Variants in CRB2 observed in about 807,000 individuals in gnomAD.
CRB2 encodes protein crumbs homolog 2.
A neutral mutation model predicts 110.9 loss-of-function variants in CRB2; 85 were observed. The observed-to-expected ratio is 0.77, with a 90% confidence interval of 0.64 to 0.92. CRB2 has a LOEUF of 0.92. Among genes scored for constraint, CRB2 ranks in the 40% least tolerant of loss-of-function variants. The probability of loss-of-function intolerance (pLI) is 0.00; values close to 1 mark genes in which losing one functional copy is unlikely to be tolerated. For missense variants in CRB2, 1,843 were observed against 1,851.3 expected (o/e 1.00, Z 0.08); for synonymous variants, 907 against 831.0 (o/e 1.09, Z -1.57).
intron 1 of CRB2, among the ~76,000 whole-genome samples, chr9:123,359,850 G>A (rs922690695): frequency 6.6e-6 from 1 of 152,152 alleles, no homozygotes; most frequent in African/African-American, 2.4e-5. Flanking sequence ...GAGACACAGT[G>A]GGATTACTGA....
At chr9:123,375,104 A>G (rs372839532) in intron 11 of CRB2, 113 bp from the exon 12 acceptor site, 38 of 1,493,216 alleles carry the variant, frequency 2.5e-5, no homozygotes, top group Admixed American at 1.1e-4. Flanking sequence ...GCATGGGGAC[A>G]GTGGATGGAT....
chr9:123,367,442 C>CCCCCACCCT (rs2132762379), intron 5 of CRB2, 85 bp downstream of exon 5: 1 of 1,023,536 alleles, frequency 9.8e-7, no homozygotes, highest in African/African-American at 2.2e-5. Flanking sequence ...CCCCCCACCC[C>CCCCCACCCT]CCCACCCCAC....
Position 123,373,701 on chromosome 9 carries a change from C to G in CRB2, c.3170C>G (p.Ala1057Gly), listed in dbSNP as rs1269124016. The part of the protein sequence containing the change: ...TPAPILGCRG[A>G]PVCAPSPCLH... ...GCCCCGATCCTCGGCTGCCGCGGCG[C>G]GCCCGTGTGTGCGCCCTCGCCCTGT... Residue 1057 changes from alanine to glycine, a missense_variant, in exon 10 of 13, where the codon GCG becomes GGG. Physicochemically the swap from Ala to Gly is moderately conservative, Grantham distance 60. Coordinates refer to ENST00000373631, the MANE Select transcript of CRB2 (RefSeq NM_173689.7). 3 of 1,499,096 alleles carry G rather than the reference C, an allele frequency of 2.0e-6. No homozygotes were observed. The highest frequency in any genetic ancestry group is 1.5e-5 in the African/African-American group (1 of 68,840). 92.9% of individuals were successfully genotyped at this position (1,499,096 alleles called of 1,614,324 possible).
rs2041933272 is a variant in CRB2, at chr9:123,366,419, G to C, written c.754+53G>C. ...CGGGGGGAGGGGTAGGTGTGCGCCT[G>C]TGCGGCCTGGGGCGGTGGGGCAGGT... On this transcript the variant is annotated intron_variant, in intron 4 of 12. Transcript: ENST00000373631. 4.0e-6 allele frequency: 6 copies of C among 1,495,940 alleles called. No individual in the cohort carries two copies. The Admixed American group carries it at 1.3e-4, about 32-fold the overall frequency. 92.7% of individuals were successfully genotyped at this position (1,495,940 alleles called of 1,614,324 possible). A position where few individuals can be genotyped will look rare whatever the true frequency, so the allele number is the denominator to read the frequency against.
rs574502640 is a variant in CRB2 at position 123,374,826 on chromosome 9, T to A, written c.3506+131T>A. ...TGGTATCACAGTCACCATTGTCACT[T>A]GAGTTTCCTTCCATGACTCGCAAGA... On this transcript the variant is annotated intron_variant, in intron 11 of 12. Transcript: ENST00000373631. 5 of 647,338 alleles carry A rather than the reference T, an allele frequency of 7.7e-6. No homozygotes were observed. In the South Asian group the frequency reaches 9.5e-5, roughly 12 times the overall value. The allele number at this position is 647,338 out of a possible 1,614,324, so 40.1% of individuals were successfully genotyped here. A position where few individuals can be genotyped will look rare whatever the true frequency, so the allele number is the denominator to read the frequency against.
rs2042058229 is a variant in CRB2 at position 123,373,778 on chromosome 9, G to A, written c.3247G>A (p.Gly1083Ser). ...DLFDAFACAC[G>S]PGWEGPRCEA... Reference sequence around the variant, plus strand: ...CTTCGACGCCTTTGCCTGCGCCTGCGGCCCGGGGTGGGAAGGCCCGCGCTG... The same window carrying A: ...CTTCGACGCCTTTGCCTGCGCCTGCAGCCCGGGGTGGGAAGGCCCGCGCTG... The change falls in exon 10 of 13, where the codon GGC (glycine) becomes AGC (serine). Residue 1083 changes from glycine (G) to serine (S), a missense_variant. Gly to Ser is a moderately conservative substitution (Grantham distance 56). Coordinates refer to ENST00000373631, the MANE Select transcript of CRB2 (RefSeq NM_173689.7). 2 of 1,590,582 alleles carry A rather than the reference G, an allele frequency of 1.3e-6. No individual in the cohort carries two copies. The highest frequency in any genetic ancestry group is 1.7e-6 in the Non-Finnish European group (2 of 1,176,504).
chr9:123,362,429 C>T (rs778893203), intron 1 of CRB2, among the ~76,000 whole-genome samples: 40 of 152,270 alleles, frequency 2.6e-4, no homozygotes, highest in South Asian at 1.0e-3. Context: ...CCTGTCCCAG[C>T]GAACACTAAC....
At chr9:123,356,046 G>T, upstream of CRB2, 2 of 422,970 alleles carry the variant, frequency 4.7e-6, no homozygotes, top group East Asian at 3.5e-5. Context: ...AGGCTAGGGG[G>T]CTTGAGGACT....
intron 5 of CRB2, 60 bp downstream of exon 5, chr9:123,367,417 G>GGCCCCCCCCCCCCCCCCCCCCCCCCCC: frequency 1.6e-6 from 2 of 1,269,272 alleles, no homozygotes; most frequent in Admixed American, 3.2e-5. Flanking sequence ...GGGATCTTGT[G>GGCCCCCCCCCCCCCCCCCCCCCCCCCC]CCCACCCCCC....
At chr9:123,359,680 C>T (rs530097002) in intron 1 of CRB2, among the ~76,000 whole-genome samples, 5 of 151,970 alleles carry the variant, frequency 3.3e-5, no homozygotes, top group Admixed American at 1.3e-4. Flanking sequence ...GAGCTCCTGG[C>T]CTGAAGTGAT....
chr9:123,361,430 T>C (rs2041867827), intron 1 of CRB2, among the ~76,000 whole-genome samples: 1 of 152,050 alleles, frequency 6.6e-6, no homozygotes, highest in Admixed American at 6.5e-5. Flanking sequence ...AGGATGCGGG[T>C]CAGGCCACAG....
chr9:123,373,064 G>C, intron 9 of CRB2, 70 bp from the exon 10 acceptor site: 1 of 1,303,492 alleles, frequency 7.7e-7, no homozygotes, highest in Non-Finnish European at 1.0e-6. Flanking sequence ...CACTCGCTGG[G>C]GGAAGTGGGG....
Position 123,363,080 on chromosome 9 carries a change from C to G in CRB2, c.310C>G (p.Arg104Gly). The G allele has an allele frequency of 1.2e-6, 2 of 1,611,622 alleles. No homozygotes were observed. The highest frequency in any genetic ancestry group is 2.2e-5 in the South Asian group (2 of 91,084). Reference sequence around the variant, plus strand: ...CTGCGTGCCGGGTTTCCAGGGCCCACGCTGCGAGCTGGACATCGATGAGTG... The same window carrying G: ...CTGCGTGCCGGGTTTCCAGGGCCCAGGCTGCGAGCTGGACATCGATGAGTG... ...CYCVPGFQGP[R>G]CELDIDECAS... The change falls in exon 2 of 13, where the codon CGC becomes GGC. Residue 104 changes from arginine (R) to glycine (G), a missense_variant. Coordinates refer to ENST00000373631, the MANE Select transcript of CRB2 (RefSeq NM_173689.7).
intron 1 of CRB2, among the ~76,000 whole-genome samples, chr9:123,360,919 G>C (rs1381281397): frequency 6.6e-6 from 1 of 152,130 alleles, no homozygotes; most frequent in Non-Finnish European, 1.5e-5. Flanking sequence ...TTCCCTTCCT[G>C]CCTGGCTCTG....
chr9:123,379,480 T>G (rs1037655507), downstream of CRB2, among the ~76,000 whole-genome samples: 1 of 152,190 alleles, frequency 6.6e-6, no homozygotes, highest in African/African-American at 2.4e-5. Context: ...GGGCAGAGCA[T>G]GAGCTGGCTT....
At position 123,370,919 on chromosome 9, in the gene CRB2, T is replaced by A; in HGVS notation, c.1866T>A (p.Asp622Glu). 1 of 1,612,694 alleles carries A rather than the reference T, an allele frequency of 6.2e-7. No individual in the cohort carries two copies. Among genetic ancestry groups the A allele is most frequent in the Non-Finnish European group, 8.5e-7 (1 of 1,179,420 alleles). The change falls in exon 7 of 13, where the codon GAT (aspartate) becomes GAA (glutamate). Residue 622 changes from aspartate to glutamate, a missense_variant. Coordinates refer to ENST00000373631, the MANE Select transcript of CRB2 (RefSeq NM_173689.7). ...GTGTCCACGGAGGGTCCTGTGTGGA[T>A]CTGTGGACTCATTTCCGTTGCGACT... is the stretch of plus-strand genomic sequence containing the variant. ...LPCVHGGSCV[D>E]LWTHFRCDCA...
rs1220032839 is a variant in CRB2 at position 123,356,240 on chromosome 9, C to T, written c.-21C>T. 6.9e-6 allele frequency: 1 copy of T among 145,908 alleles called. No individual in the cohort carries two copies. Among genetic ancestry groups the T allele is most frequent in the Non-Finnish European group, 9.0e-6 (1 of 110,876 alleles). 9.0% of individuals were successfully genotyped at this position (145,908 alleles called of 1,614,324 possible). Reference sequence around the variant, plus strand: ...CCCTCCCGTTCTCACAGCAGCCGAGCAGAGCGCAGAGCGGGCTGCCATGGC... The same window carrying T: ...CCCTCCCGTTCTCACAGCAGCCGAGTAGAGCGCAGAGCGGGCTGCCATGGC... On this transcript the variant is annotated 5_prime_UTR_variant, in exon 1 of 13. Transcript: ENST00000373631.
Position 123,374,682 on chromosome 9 carries a change from C to T in CRB2, c.3493C>T (p.Leu1165Phe). The T allele has an allele frequency of 1.9e-6, 3 of 1,610,004 alleles. No homozygotes were observed. The highest frequency in any genetic ancestry group is 2.5e-6 in the Non-Finnish European group (3 of 1,179,340). Residue 1165 changes from leucine to phenylalanine, a missense_variant, in exon 11 of 13, where the codon CTT (leucine) becomes TTT (phenylalanine). Physicochemically the swap from Leu to Phe is conservative, Grantham distance 22. Transcript: ENST00000373631. ...TGCCAACTGCAGCTGCCTGGAGGGT[C>T]TTGCTGGCCAGAGGTGGGTCTGGGG... Reference protein sequence around the residue: ...PAANCSCLEGLAGQRCQVPTL... With the variant: ...PAANCSCLEGFAGQRCQVPTL...
In CRB2 at chr9:123,373,640, G is replaced by A. The variant is rs1287762995; in HGVS notation, c.3109G>A (p.Ala1037Thr). Residue 1037 changes from alanine (A) to threonine (T), a missense_variant, in exon 10 of 13, where the codon GCC becomes ACC. Transcript: ENST00000373631. ...GCCCCGGCCCGGCGCGGCCCCTGGCGCCCGAGAGCACTTCGCGTCTTGGCC... is the reference window on the plus strand; with the variant it reads ...GCCCCGGCCCGGCGCGGCCCCTGGCACCCGAGAGCACTTCGCGTCTTGGCC... ...ARPRPGAAPG[A>T]REHFASWPGT... 7 of 1,375,448 alleles carry A rather than the reference G, an allele frequency of 5.1e-6. No individual in the cohort carries two copies. Among genetic ancestry groups the A allele is most frequent in the Non-Finnish European group, 6.5e-6 (7 of 1,071,318 alleles). The allele number at this position is 1,375,448 out of a possible 1,614,324, so 85.2% of individuals were successfully genotyped here. A position where few individuals can be genotyped will look rare whatever the true frequency, so the allele number is the denominator to read the frequency against.
Sources: gnomAD v4.1 joint callset for allele counts (sites outside exome capture counted in the v4.1 genomes callset) on GRCh38, gnomAD v4.1.1 for gene constraint, MANE v1.5 for transcripts, NCBI Gene and HGNC (gene_info 2026-07-23, HGNC 2026-07-21) for gene names.